Variants in KDELR3 observed in about 807,000 individuals in gnomAD.
KDELR3 encodes KDEL endoplasmic reticulum protein retention receptor 3.
In KDELR3, 26 loss-of-function variants were observed where a neutral mutation model predicts 22.7. The ratio of observed to expected loss-of-function variants is 1.15; its 90% CI spans 0.84 to 1.59. The LOEUF is 1.59. KDELR3 is among the 40% of genes most tolerant of loss of function. The probability of loss-of-function intolerance (pLI) is 0.00; values close to 1 mark genes in which losing one functional copy is unlikely to be tolerated. For synonymous variants in KDELR3, 120 were observed against 98.2 expected, an observed-to-expected ratio of 1.22 and a Z score of -1.31; for missense variants, 289 against 251.1, an observed-to-expected ratio of 1.15 and a Z score of -1.02.
At chr22:38,476,752 C>T (rs1300284423) in intron 2 of KDELR3, among the ~76,000 whole-genome samples, 1 of 151,588 alleles carries the variant, frequency 6.6e-6, no homozygotes, top group Non-Finnish European at 1.5e-5. Context: ...TCTCAAACTC[C>T]TGACCTCGTG....
At chr22:38,475,216 C>T (rs1374054423) in intron 2 of KDELR3, among the ~76,000 whole-genome samples, 1 of 151,998 alleles carries the variant, frequency 6.6e-6, no homozygotes, top group African/African-American at 2.4e-5. Context: ...AGGGTCACAC[C>T]TGTAATCCCA....
In KDELR3 at chr22:38,468,169, C is replaced by T. The variant is rs1444094960; in HGVS notation, c.-65C>T. The T allele has an allele frequency of 4.8e-6, 7 of 1,450,956 alleles. No individual in the cohort carries two copies. In the Admixed American group the frequency reaches 8.8e-5, roughly 18 times the overall value. 89.9% of individuals were successfully genotyped at this position (1,450,956 alleles called of 1,614,324 possible). A position where few individuals can be genotyped will look rare whatever the true frequency, so the allele number is the denominator to read the frequency against. ...ACCGGGGCCGGAGACGTGGCAGCCG[C>T]CCTGCCCGCCAGAAAGTTTCCTAGA... On this transcript the variant is annotated 5_prime_UTR_variant, in exon 1 of 5. Coordinates refer to ENST00000216014, the MANE Select transcript of KDELR3 (RefSeq NM_006855.4).
At position 38,482,748 on chromosome 22, in the gene KDELR3, G is replaced by C; in HGVS notation, c.*212G>C. ...CCATTGTAAGGTCATAAAAAACCTC[G>C]GCCACCTGCACAAAGATGGTGCCTC... On this transcript the variant is annotated 3_prime_UTR_variant, in exon 5 of 5. Transcript: ENST00000216014. 3.7e-6 allele frequency: 2 copies of C among 547,636 alleles called. No homozygotes were observed. Among genetic ancestry groups the C allele is most frequent in the Non-Finnish European group, 6.5e-6 (2 of 309,784 alleles). 33.9% of individuals were successfully genotyped at this position (547,636 alleles called of 1,614,324 possible).
intron 2 of KDELR3, among the ~76,000 whole-genome samples, chr22:38,476,862 A>C (rs1685044578): frequency 7.4e-6 from 1 of 134,848 alleles, no homozygotes; most frequent in Admixed American, 7.7e-5. Context: ...AGTGGAGTGC[A>C]GTGGCACGAT....
At chr22:38,469,910 C>A (rs998740339) in intron 1 of KDELR3, among the ~76,000 whole-genome samples, 1 of 151,658 alleles carries the variant, frequency 6.6e-6, no homozygotes, top group African/African-American at 2.4e-5. Context: ...ACCTCCACCT[C>A]CCAGGTTCAA....
In KDELR3 at chr22:38,468,257, C is replaced by T. The variant is rs1019041252; in HGVS notation, c.24C>T (p.Gly8=). 1.9e-6 allele frequency: 3 copies of T among 1,613,814 alleles called. No individual in the cohort carries two copies. The highest frequency in any genetic ancestry group is 1.7e-4 in the Middle Eastern group (1 of 6,060). Residue 8 remains glycine, a synonymous_variant, in exon 1 of 5, where the codon GGC becomes GGT. Coordinates refer to ENST00000216014, the MANE Select transcript of KDELR3 (RefSeq NM_006855.4). MNVFRIL[G]DLSHLLAMIL... ...CCATGAACGTGTTCCGAATCCTCGG[C>T]GACCTGAGCCACCTCCTGGCCATGA...
intron 3 of KDELR3, among the ~76,000 whole-genome samples, chr22:38,480,477 TTA>T (rs1402863997): frequency 1.3e-5 from 2 of 152,094 alleles, no homozygotes; most frequent in Non-Finnish European, 2.9e-5. Flanking sequence ...AATTATGATT[TTA>T]TACTATGAAA....
intron 1 of KDELR3, among the ~76,000 whole-genome samples, chr22:38,471,714 AG>A (rs1253536884): frequency 6.6e-6 from 1 of 152,234 alleles, no homozygotes; most frequent in African/African-American, 2.4e-5. Context: ...ATGTAATCCC[AG>A]CACTTTGGGA....
chr22:38,472,961 A>G (rs994584213), intron 1 of KDELR3, among the ~76,000 whole-genome samples: 1 of 152,150 alleles, frequency 6.6e-6, no homozygotes, highest in Non-Finnish European at 1.5e-5. Flanking sequence ...TCGGCCTCCC[A>G]AAGTGTTGGA....
chr22:38,479,808 C>A, intron 3 of KDELR3, 57 bp downstream of exon 3: 1 of 1,527,024 alleles, frequency 6.5e-7, no homozygotes, highest in Non-Finnish European at 9.1e-7. Flanking sequence ...CTGCATCCTT[C>A]CCTCCAGACC....
intron 1 of KDELR3, among the ~76,000 whole-genome samples, chr22:38,470,962 C>A (rs756974336): frequency 2.0e-5 from 3 of 151,960 alleles, no homozygotes; most frequent in Non-Finnish European, 4.4e-5. Context: ...TGGCACGTGG[C>A]GAAACCCCGT....
intron 3 of KDELR3, among the ~76,000 whole-genome samples, chr22:38,480,214 G>A (rs971395317): frequency 4.6e-5 from 7 of 152,238 alleles, no homozygotes; most frequent in African/African-American, 1.7e-4. Context: ...CAGGATCTCA[G>A]CTCACTGCAA....
rs879313530 is a variant in KDELR3, at chr22:38,476,225, C to CT, written c.192+1614dup. ...GGAATTACCATGATCAGCTAGGAGT[C>CT]TTTTTTTTTTTTGAGACGGAGTCTC... On this transcript the variant is annotated intron_variant, in intron 2 of 4. Coordinates refer to ENST00000216014, the MANE Select transcript of KDELR3 (RefSeq NM_006855.4). 1.2e-3 allele frequency among the ~76,000 whole-genome samples: 168 copies of CT among 145,786 alleles called. 1 individual carries two copies. Among genetic ancestry groups the CT allele is most frequent in the East Asian group, 5.2e-3 (26 of 5,014 alleles).
chr22:38,479,449 C>T, intron 2 of KDELR3, 144 bp from the exon 3 acceptor site: 7 of 719,790 alleles, frequency 9.7e-6, no homozygotes, highest in Non-Finnish European at 9.3e-6. Context: ...CAACTGGACC[C>T]AAGATAAATT....
At chr22:38,481,561 C>G (rs755428334) in intron 4 of KDELR3, 97 bp downstream of exon 4, 25 of 1,571,164 alleles carry the variant, frequency 1.6e-5, no homozygotes, top group South Asian at 3.5e-5. Flanking sequence ...ACAGTCAAGT[C>G]TCTGCCATCC....
chr22:38,481,738 G>A, intron 4 of KDELR3: 1 of 1,099,834 alleles, frequency 9.1e-7, no homozygotes, highest in Non-Finnish European at 1.2e-6. Flanking sequence ...CTTATTACAA[G>A]CCCCAAGGCA....
chr22:38,468,359 C>T, intron 1 of KDELR3, 35 bp downstream of exon 1: 1 of 1,597,368 alleles, frequency 6.3e-7, no homozygotes, highest in Non-Finnish European at 8.6e-7. Context: ...GCGGGACCCC[C>T]TCTCTGGCCA....
intron 2 of KDELR3, among the ~76,000 whole-genome samples, chr22:38,477,151 G>GCCC (rs2089565671): frequency 6.9e-6 from 1 of 144,758 alleles, no homozygotes; most frequent in Non-Finnish European, 1.5e-5. Flanking sequence ...CTGACCTCGT[G>GCCC]ATCTGCCCAC....
intron 1 of KDELR3, among the ~76,000 whole-genome samples, chr22:38,470,701 C>A (rs763153320): frequency 2.9e-4 from 44 of 152,146 alleles, no homozygotes; most frequent in Non-Finnish European, 5.7e-4. Flanking sequence ...GTGAGGGCTG[C>A]CCCTGGCAGT....
Sources: gnomAD v4.1 joint callset for allele counts (sites outside exome capture counted in the v4.1 genomes callset) on GRCh38, gnomAD v4.1.1 for gene constraint, MANE v1.5 for transcripts, NCBI Gene and HGNC (gene_info 2026-07-23, HGNC 2026-07-21) for gene names.